The following AURKAIP1 variants were observed in gnomAD, a reference collection of about 807,000 sequenced individuals.
AURKAIP1 encodes small ribosomal subunit protein bS22, mitochondrial.
Under a neutral mutation model 18.4 loss-of-function variants are expected in AURKAIP1, and 20 were observed. That is an observed-to-expected ratio of 1.09 (90% CI 0.77 to 1.58). The LOEUF is 1.58. Ranked by LOEUF, AURKAIP1 falls within the 40% of genes most tolerant of loss-of-function variation. The pLI, the probability that AURKAIP1 is intolerant of heterozygous loss-of-function variation, is 0.00. For synonymous variants in AURKAIP1, 156 were observed against 120.8 expected, an observed-to-expected ratio of 1.29 and a Z score of -1.91; for missense variants, 319 against 270.7, an observed-to-expected ratio of 1.18 and a Z score of -1.25.
rs920379436 is a variant in AURKAIP1 at position 1,374,786 on chromosome 1, G to C, written c.-30C>G. 6.5e-7 allele frequency: 1 copy of C among 1,549,306 alleles called. No individual in the cohort carries two copies. Among genetic ancestry groups the C allele is most frequent in the East Asian group, 2.5e-5 (1 of 40,762 alleles). ...TGTGGGCGGCGGCCACAGGTCCCAG[G>C]GGAGCTGGAACACAAGTGCCCGTTC... On this transcript the variant is annotated 5_prime_UTR_variant, in exon 2 of 4. Coordinates refer to ENST00000338338, the MANE Select transcript of AURKAIP1 (RefSeq NM_017900.3).
At chr1:1,374,906 C>T in intron 1 of AURKAIP1, 116 bp from the exon 2 acceptor site, 1 of 671,476 alleles carries the variant, frequency 1.5e-6, no homozygotes, top group African/African-American at 1.9e-5. Flanking sequence ...CCTCCGCCAC[C>T]CCAACCCACA....
chr1:1,374,788 G>C lies in AURKAIP1; in HGVS notation c.-32C>G. 6.5e-7 allele frequency: 1 copy of C among 1,548,604 alleles called. No homozygotes were observed. The highest frequency in any genetic ancestry group is 8.7e-7 in the Non-Finnish European group (1 of 1,145,992). ...TGGGCGGCGGCCACAGGTCCCAGGG[G>C]AGCTGGAACACAAGTGCCCGTTCAG... On this transcript the variant is annotated splice_region_variant and 5_prime_UTR_variant, in exon 2 of 4. Coordinates refer to ENST00000338338, the MANE Select transcript of AURKAIP1 (RefSeq NM_017900.3).
rs1262712379 is a variant in AURKAIP1, at chr1:1,374,091, C to T, written c.407G>A (p.Arg136Gln). 6.2e-7 allele frequency: 1 copy of T among 1,611,324 alleles called. No individual in the cohort carries two copies. The highest frequency in any genetic ancestry group is 1.3e-5 in the African/African-American group (1 of 74,900). ...QCKNVLKIRR[R>Q]KMNHHKYRKL... Reference sequence around the variant, plus strand: ...CCGGTACTTGTGGTGGTTCATCTTCCGCCGGCGGATCTTCAGCACGTTTTT... The same window carrying T: ...CCGGTACTTGTGGTGGTTCATCTTCTGCCGGCGGATCTTCAGCACGTTTTT... Residue 136 changes from arginine to glutamine, a missense_variant, in exon 3 of 4, where the codon CGG (arginine) becomes CAG (glutamine). Transcript: ENST00000338338.
In AURKAIP1 at chr1:1,373,770, G is replaced by A; in HGVS notation, c.*31C>T. On this transcript the variant is annotated 3_prime_UTR_variant, in exon 4 of 4. Transcript: ENST00000338338. ...TGAGAATTTATTACTACGGATCACA[G>A]CAGCAACGGGCGGGAAGGGCGGCGC... is the stretch of plus-strand genomic sequence containing the variant. 1.9e-6 allele frequency: 3 copies of A among 1,571,336 alleles called. No individual in the cohort carries two copies. Among genetic ancestry groups the A allele is most frequent in the South Asian group, 2.2e-5 (2 of 90,186 alleles).
At position 1,374,171 on chromosome 1, in the gene AURKAIP1, C is replaced by T. The variant is rs779043274; in HGVS notation, c.327G>A (p.Gly109=). ...CTTCATCCCCCTGCTCGGCCCCTTC[C>T]CCTATCTGGCTGGGCGGACACTGGT... ...QSYQCPPSQI[G]EGAEQGDEGV... Residue 109 remains glycine (G), a synonymous_variant, in exon 3 of 4, where the codon GGG becomes GGA. Coordinates refer to ENST00000338338, the MANE Select transcript of AURKAIP1 (RefSeq NM_017900.3). 20 of 1,613,958 alleles carry T rather than the reference C, an allele frequency of 1.2e-5. No individual in the cohort carries two copies. In the Admixed American group the frequency reaches 3.3e-4, roughly 27 times the overall value.
intron 1 of AURKAIP1, 62 bp downstream of exon 1, chr1:1,375,092 G>A (rs1644336252): frequency 2.0e-5 from 5 of 251,716 alleles, no homozygotes; most frequent in South Asian, 5.1e-5. Flanking sequence ...GCTGGACCCC[G>A]GGCCCGCCTG....
At position 1,374,177 on chromosome 1, in the gene AURKAIP1, C is replaced by G. The variant is rs3736374; in HGVS notation, c.321G>C (p.Gln107His). The G allele has an allele frequency of 1.8e-4, 295 of 1,613,938 alleles. No homozygotes were observed. In the East Asian group the frequency reaches 5.9e-3, roughly 33 times the overall value. ...CCCCCTGCTCGGCCCCTTCCCCTAT[C>G]TGGCTGGGCGGACACTGGTAGGATT... Reference protein sequence around the residue: ...PPQSYQCPPSQIGEGAEQGDE... With the variant: ...PPQSYQCPPSHIGEGAEQGDE... Residue 107 changes from glutamine (Q) to histidine (H), a missense_variant, in exon 3 of 4, where the codon CAG (glutamine) becomes CAC (histidine). Physicochemically the swap from Gln to His is conservative, Grantham distance 24. Coordinates refer to ENST00000338338, the MANE Select transcript of AURKAIP1 (RefSeq NM_017900.3).
Position 1,373,801 on chromosome 1 carries a change from T to C in AURKAIP1, c.600A>G (p.Ter200TrpextTer12), listed in dbSNP as rs745492134. ...QTPKIYLRGK[*>W] ...ACGGGCGGGAAGGGCGGCGCCAGAC[T>C]CATTTGCCCCGCAGGTAGATCTTGG... The change falls in exon 4 of 4, where the codon TGA becomes TGG. Residue 200 changes from the stop codon to tryptophan (W), a stop_lost. Coordinates refer to ENST00000338338, the MANE Select transcript of AURKAIP1 (RefSeq NM_017900.3). 7 of 1,597,482 alleles carry C rather than the reference T, an allele frequency of 4.4e-6. No individual in the cohort carries two copies. The highest frequency in any genetic ancestry group is 5.9e-6 in the Non-Finnish European group (7 of 1,178,978).
At chr1:1,375,049 C>G (rs11548462) in intron 1 of AURKAIP1, 105 bp downstream of exon 1, 1 of 354,884 alleles carries the variant, frequency 2.8e-6, no homozygotes. Context: ...CACCCCCGCG[C>G]GAATCGCGTT....
chr1:1,373,783 G>A lies in AURKAIP1; in HGVS notation c.*18C>T, dbSNP rs1458113472. The A allele has an allele frequency of 3.1e-6, 5 of 1,588,774 alleles. No individual in the cohort carries two copies. Among genetic ancestry groups the A allele is most frequent in the Non-Finnish European group, 4.3e-6 (5 of 1,174,978 alleles). On this transcript the variant is annotated 3_prime_UTR_variant, in exon 4 of 4. Transcript: ENST00000338338. ...CTACGGATCACAGCAGCAACGGGCGGGAAGGGCGGCGCCAGACTCATTTGC... is the reference window on the plus strand; with the variant it reads ...CTACGGATCACAGCAGCAACGGGCGAGAAGGGCGGCGCCAGACTCATTTGC...
rs377520465 is a variant in AURKAIP1 at position 1,374,262 on chromosome 1, G to A, written c.236C>T (p.Thr79Met). ...MSVSPLESWL[T>M]ARCFLPRLDT... ...CAGTCTGGGCAGGAAGCAGCGGGCC[G>A]TGAGCCAGCTCTCCAGGGGGCTGAC... Residue 79 changes from threonine to methionine, a missense_variant, in exon 3 of 4, where the codon ACG becomes ATG. Coordinates refer to ENST00000338338, the MANE Select transcript of AURKAIP1 (RefSeq NM_017900.3). The A allele has an allele frequency of 3.1e-6, 5 of 1,606,268 alleles. No individual in the cohort carries two copies. The highest frequency in any genetic ancestry group is 2.2e-5 in the South Asian group (2 of 90,960).
In AURKAIP1 at chr1:1,374,303, G is replaced by T; in HGVS notation, c.195C>A (p.Val65=). The T allele has an allele frequency of 6.3e-7, 1 of 1,588,488 alleles. No individual in the cohort carries two copies. The change falls in exon 3 of 4, where the codon GTC becomes GTA. Residue 65 remains valine, a synonymous_variant. Coordinates refer to ENST00000338338, the MANE Select transcript of AURKAIP1 (RefSeq NM_017900.3). ...GAQLELEEML[V]PRKMSVSPLE... The stretch of plus-strand genomic sequence containing the variant: ...GGGGGCTGACGGACATCTTCCTGGG[G>T]ACCAGCATCTCCTCCAGCTCCAGCT...
In AURKAIP1 at chr1:1,374,693, G is replaced by A. The variant is rs774776478; in HGVS notation, c.52+12C>T. Reference sequence around the variant, plus strand: ...TGTGCATCCTCCCATCCGCCCCCGCGCGGCTTCCTACCTGCCCAAGGAACG... The same window carrying A: ...TGTGCATCCTCCCATCCGCCCCCGCACGGCTTCCTACCTGCCCAAGGAACG... On this transcript the variant is annotated intron_variant, in intron 2 of 3. Coordinates refer to ENST00000338338, the MANE Select transcript of AURKAIP1 (RefSeq NM_017900.3). 1 of 1,555,822 alleles carries A rather than the reference G, an allele frequency of 6.4e-7. No homozygotes were observed. The highest frequency in any genetic ancestry group is 8.7e-7 in the Non-Finnish European group (1 of 1,149,616).
rs1476092538 is a variant in AURKAIP1 at position 1,374,345 on chromosome 1, G to A, written c.153C>T (p.Leu51=). 3.2e-6 allele frequency: 5 copies of A among 1,551,986 alleles called. No individual in the cohort carries two copies. The Admixed American group carries it at 5.5e-5, about 17-fold the overall frequency. Residue 51 remains leucine, a synonymous_variant, in exon 3 of 4, where the codon CTC becomes CTT. Coordinates refer to ENST00000338338, the MANE Select transcript of AURKAIP1 (RefSeq NM_017900.3). ...SPAGPGRAAS[L]PRKGAQLELE... ...GCTCCAGCTGGGCCCCCTTGCGAGG[G>A]AGAGAGGCCGCCCTACCTGGGCCGG...
At chr1:1,374,479 C>G (rs1644328335) in intron 2 of AURKAIP1, 34 bp from the exon 3 acceptor site, 1 of 1,434,596 alleles carries the variant, frequency 7.0e-7, no homozygotes. Context: ...TCACCGCTCG[C>G]GAGACCACAC....
In AURKAIP1 at chr1:1,374,463, C is replaced by A; in HGVS notation, c.53-18G>T. The A allele has an allele frequency of 6.9e-7, 1 of 1,440,540 alleles. No homozygotes were observed. The highest frequency in any genetic ancestry group is 2.8e-5 in the Admixed American group (1 of 35,160). The allele number at this position is 1,440,540 out of a possible 1,614,324, so 89.2% of individuals were successfully genotyped here. ...GCGGCCGCCTGCAGAAAACCAGACGCCACGGTCACCGCTCGCGAGACCACA... is the reference window on the plus strand; with the variant it reads ...GCGGCCGCCTGCAGAAAACCAGACGACACGGTCACCGCTCGCGAGACCACA... On this transcript the variant is annotated intron_variant, in intron 2 of 3. Transcript: ENST00000338338.
At chr1:1,374,488 A>C in intron 2 of AURKAIP1, 43 bp from the exon 3 acceptor site, 1 of 1,431,614 alleles carries the variant, frequency 7.0e-7, no homozygotes, top group Non-Finnish European at 9.2e-7. Flanking sequence ...GCGAGACCAC[A>C]CAGGCCCGTC....
In AURKAIP1 at chr1:1,374,176, T is replaced by A; in HGVS notation, c.322A>T (p.Ile108Leu). Reference protein sequence around the residue: ...PQSYQCPPSQIGEGAEQGDEG... With the variant: ...PQSYQCPPSQLGEGAEQGDEG... ...TCCCCCTGCTCGGCCCCTTCCCCTA[T>A]CTGGCTGGGCGGACACTGGTAGGAT... Residue 108 changes from isoleucine (I) to leucine (L), a missense_variant, in exon 3 of 4, where the codon ATA becomes TTA. Coordinates refer to ENST00000338338, the MANE Select transcript of AURKAIP1 (RefSeq NM_017900.3). 1.2e-6 allele frequency: 2 copies of A among 1,613,888 alleles called. No homozygotes were observed. The highest frequency in any genetic ancestry group is 1.7e-6 in the Non-Finnish European group (2 of 1,180,028).
chr1:1,374,703 A>G lies in AURKAIP1; in HGVS notation c.52+2T>C. 6.4e-7 allele frequency: 1 copy of G among 1,557,988 alleles called. No individual in the cohort carries two copies. Among genetic ancestry groups the G allele is most frequent in the Non-Finnish European group, 8.7e-7 (1 of 1,151,184 alleles). On this transcript the variant is annotated splice_donor_variant, in intron 2 of 3. Coordinates refer to ENST00000338338, the MANE Select transcript of AURKAIP1 (RefSeq NM_017900.3). LOFTEE classifies it high-confidence loss of function. ...CCCATCCGCCCCCGCGCGGCTTCCT[A>G]CCTGCCCAAGGAACGGCCCTCAACA...
Sources: gnomAD v4.1 joint callset for allele counts on GRCh38, gnomAD v4.1.1 for gene constraint, MANE v1.5 for transcripts, NCBI Gene and HGNC (gene_info 2026-07-23, HGNC 2026-07-21) for gene names.